Variants in PEBP4 observed in about 807,000 individuals in gnomAD.
PEBP4 encodes phosphatidylethanolamine binding protein 4.
In PEBP4, 22 loss-of-function variants were observed where a neutral mutation model predicts 23.9. The observed-to-expected ratio is 0.92, with a 90% CI of 0.66 to 1.31. PEBP4 has a LOEUF of 1.31. PEBP4 is among the 40% of genes most tolerant of loss of function. The probability of loss-of-function intolerance (pLI) is 0.00; values close to 1 mark genes in which losing one functional copy is unlikely to be tolerated. For synonymous variants in PEBP4, 112 were observed against 99.3 expected (o/e 1.13, Z -0.76); for missense variants, 324 against 281.7 (o/e 1.15, Z -1.07).
At chr8:22,782,967 T>G (rs536090072) in intron 4 of PEBP4, among the ~76,000 whole-genome samples, 1 of 152,214 alleles carries the variant, frequency 6.6e-6, no homozygotes, top group African/African-American at 2.4e-5. Context: ...AGACCCATAA[T>G]AGGGAACAGC....
chr8:22,775,595 A>G lies in PEBP4; in HGVS notation c.357+42042T>C, dbSNP rs1805799236. Among the ~76,000 whole-genome samples, 1 of 152,150 alleles carries G rather than the reference A, an allele frequency of 6.6e-6. No homozygotes were observed. Among genetic ancestry groups the G allele is most frequent in the Admixed American group, 6.5e-5 (1 of 15,288 alleles). ...TGTAGGTGTGAGGAATTCCAATTAA[A>G]TATGCAGCCTATTTGTCTGTGTGTG... On this transcript the variant is annotated intron_variant, in intron 4 of 6. Transcript: ENST00000256404. This position sits in a 1 kb window ranked among gnomAD's most constrained non-coding sequence, Gnocchi z 4.8.
chr8:22,774,294 C>G (rs887891287), intron 4 of PEBP4, among the ~76,000 whole-genome samples: 1 of 152,236 alleles, frequency 6.6e-6, no homozygotes, highest in Admixed American at 6.5e-5. Context: ...TCACTCATCT[C>G]CCCATTCACG....
chr8:22,811,206 G>GA (rs1019779762), intron 4 of PEBP4, among the ~76,000 whole-genome samples: 2 of 151,918 alleles, frequency 1.3e-5, no homozygotes, highest in African/African-American at 4.8e-5. Context: ...TGAATGAAGT[G>GA]AAAAAAAGCT....
At chr8:22,841,377 CA>C (rs1217311149) in intron 3 of PEBP4, among the ~76,000 whole-genome samples, 1 of 152,224 alleles carries the variant, frequency 6.6e-6, no homozygotes, top group Non-Finnish European at 1.5e-5. Context: ...TTTAGTTTTT[CA>C]AAAGCTTTTG....
At position 22,819,492 on chromosome 8, in the gene PEBP4, G is replaced by C. The variant is rs1428318351; in HGVS notation, c.259-1757C>G. 2.0e-5 allele frequency among the ~76,000 whole-genome samples: 3 copies of C among 152,222 alleles called. No individual in the cohort carries two copies. The East Asian group carries it at 5.8e-4, about 29-fold the overall frequency. On this transcript the variant is annotated intron_variant, in intron 3 of 6. Coordinates refer to ENST00000256404, the MANE Select transcript of PEBP4 (RefSeq NM_144962.3). Reference sequence around the variant, plus strand: ...GACGAGGAATTGGAGATAGCTGTTAGAGATAGCTATTAAAGATGATCATAA... The same window carrying C: ...GACGAGGAATTGGAGATAGCTGTTACAGATAGCTATTAAAGATGATCATAA...
At chr8:22,939,961 A>G (rs886913247) in intron 1 of PEBP4, among the ~76,000 whole-genome samples, 1 of 152,222 alleles carries the variant, frequency 6.6e-6, no homozygotes, top group African/African-American at 2.4e-5. Flanking sequence ...GCATCTATTA[A>G]TGAATCACTT....
At chr8:22,836,762 G>A (rs993102427) in intron 3 of PEBP4, among the ~76,000 whole-genome samples, 1 of 152,146 alleles carries the variant, frequency 6.6e-6, no homozygotes, top group Non-Finnish European at 1.5e-5. Context: ...AGAAACGTAT[G>A]TAAATTTCAA....
intron 3 of PEBP4, among the ~76,000 whole-genome samples, chr8:22,833,358 G>A (rs751381736): frequency 5.3e-5 from 8 of 152,144 alleles, no homozygotes; most frequent in Non-Finnish European, 1.0e-4. Context: ...TTGAGATAGG[G>A]TCTTATTCTG....
chr8:22,862,945 C>T (rs1425088237), intron 3 of PEBP4, among the ~76,000 whole-genome samples: 5 of 151,962 alleles, frequency 3.3e-5, no homozygotes, highest in Admixed American at 6.6e-5. Flanking sequence ...GGACTACAAG[C>T]GCCCGCCCCC....
At chr8:22,804,712 T>TA (rs1206630960) in intron 4 of PEBP4, among the ~76,000 whole-genome samples, 1 of 152,136 alleles carries the variant, frequency 6.6e-6, no homozygotes, top group Non-Finnish European at 1.5e-5. Context: ...AGGATGCCTA[T>TA]GCTCCACCCC....
At chr8:22,719,287 C>T (rs1048078931) in intron 6 of PEBP4, among the ~76,000 whole-genome samples, 1 of 152,210 alleles carries the variant, frequency 6.6e-6, no homozygotes, top group Admixed American at 6.5e-5. Flanking sequence ...CCTGGGCGCT[C>T]GGCCTTGGAG....
chr8:22,801,682 T>C (rs1032176474), intron 4 of PEBP4, among the ~76,000 whole-genome samples: 4 of 151,564 alleles, frequency 2.6e-5, no homozygotes, highest in Admixed American at 1.3e-4. Flanking sequence ...AAAGCACACG[T>C]AGATGGGCAT....
At chr8:22,924,903 G>A in intron 2 of PEBP4, 1 of 985,344 alleles carries the variant, frequency 1.0e-6, no homozygotes, top group Non-Finnish European at 1.2e-6. Context: ...GCTTGTCACA[G>A]TACATAAAAT....
At chr8:22,929,611 A>G (rs1809423427), upstream of PEBP4, among the ~76,000 whole-genome samples, 2 of 152,222 alleles carry the variant, frequency 1.3e-5, no homozygotes. Flanking sequence ...GCACAGTGAC[A>G]TTAGTTAAAA....
intron 1 of PEBP4, among the ~76,000 whole-genome samples, chr8:22,939,646 C>G (rs1013622800): frequency 1.3e-5 from 2 of 151,440 alleles, no homozygotes; most frequent in Non-Finnish European, 2.9e-5. Flanking sequence ...TTCCTTCTAC[C>G]AAGCAGAAGG....
chr8:22,903,056 T>C (rs1399619563), intron 3 of PEBP4, among the ~76,000 whole-genome samples: 1 of 152,230 alleles, frequency 6.6e-6, no homozygotes, highest in Non-Finnish European at 1.5e-5. Flanking sequence ...GCAGTGGTAT[T>C]TCAGGTACAA....
At chr8:22,860,166 A>G (rs1438692091) in intron 3 of PEBP4, among the ~76,000 whole-genome samples, 9 of 125,284 alleles carry the variant, frequency 7.2e-5, no homozygotes, top group South Asian at 2.5e-4. Flanking sequence ...ACACATATAT[A>G]TGTATATATA....
chr8:22,888,222 C>A (rs1808423933), intron 3 of PEBP4, among the ~76,000 whole-genome samples: 1 of 150,118 alleles, frequency 6.7e-6, no homozygotes, highest in African/African-American at 2.5e-5. Context: ...GGTATGATCG[C>A]AGCTCACTGC....
At chr8:22,836,040 TG>T (rs1321755887) in intron 3 of PEBP4, among the ~76,000 whole-genome samples, 1 of 152,068 alleles carries the variant, frequency 6.6e-6, no homozygotes, top group Non-Finnish European at 1.5e-5. Context: ...AATGGAAAAA[TG>T]GGGGCTCAGG....
Sources: allele counts gnomAD v4.1 joint callset (sites outside exome capture counted in the v4.1 genomes callset), GRCh38; gene constraint gnomAD v4.1.1; non-coding constraint Gnocchi (gnomAD v3.1); transcripts MANE v1.5; gene names NCBI Gene and HGNC (gene_info 2026-07-23, HGNC 2026-07-21).